The following RNF157 variants were observed in gnomAD, a reference collection of about 807,000 sequenced individuals.
RNF157 encodes E3 ubiquitin ligase RNF157.
A neutral mutation model predicts 88.3 loss-of-function variants in RNF157; 55 were observed. That is an observed-to-expected ratio of 0.62 (90% CI 0.50 to 0.78). The LOEUF (loss-of-function observed/expected upper bound fraction) is 0.78. Among genes scored for constraint, RNF157 ranks in the 30% least tolerant of loss-of-function variants. The pLI is 0.00. For synonymous variants in RNF157, 334 were observed against 341.2 expected, an observed-to-expected ratio of 0.98 and a Z score of 0.23; for missense variants, 788 against 860.8, an observed-to-expected ratio of 0.92 and a Z score of 1.06.
rs2068753184 is a variant in RNF157 at position 76,155,744 on chromosome 17, CAG to C, written c.1526-12_1526-11del. The C allele has an allele frequency of 3.2e-6, 5 of 1,541,240 alleles. No homozygotes were observed. Among genetic ancestry groups the C allele is most frequent in the South Asian group, 1.2e-5 (1 of 82,976 alleles). On this transcript the variant is annotated splice_polypyrimidine_tract_variant and intron_variant, in intron 14 of 18. Coordinates refer to ENST00000269391, the MANE Select transcript of RNF157 (RefSeq NM_052916.3). ...CTGCTGCTGGCAGGGCCTTTGGAGA[CAG>C]GGGATGGGGAAAGGAGCCTGGAGGT...
intron 2 of RNF157, among the ~76,000 whole-genome samples, chr17:76,192,940 C>A (rs77059531): frequency 0.011 from 1,619 of 151,404 alleles, 27 homozygotes; most frequent in African/African-American, 0.038. Flanking sequence ...AAGTGATTCT[C>A]CCACTTCAGC....
intron 12 of RNF157, among the ~76,000 whole-genome samples, chr17:76,158,810 G>A (rs1476039571): frequency 4.6e-5 from 7 of 152,128 alleles, no homozygotes; most frequent in Non-Finnish European, 1.0e-4. Flanking sequence ...GACCTCTTTT[G>A]GGTGTCAGAA....
At chr17:76,219,855 G>A (rs780861654) in intron 1 of RNF157, among the ~76,000 whole-genome samples, 20 of 152,002 alleles carry the variant, frequency 1.3e-4, no homozygotes, top group African/African-American at 2.9e-4. Context: ...ATTTTCTTCC[G>A]AGAATGTGGC....
chr17:76,225,904 C>T (rs1320606078), intron 1 of RNF157: 39 of 1,613,338 alleles, frequency 2.4e-5, no homozygotes, highest in East Asian at 1.3e-4. Context: ...CCTCCTGCTC[C>T]GCCCTCTTCT....
Position 76,239,918 on chromosome 17 carries a change from G to A in RNF157, c.88+235C>T, listed in dbSNP as rs1568085302. On this transcript the variant is annotated intron_variant, in intron 1 of 18. Transcript: ENST00000269391. ...GGCCGCTCCCGTCCTCCCGTGGAGG[G>A]GCTCGGTGCCCTCGGTGACCCTGCT... Among the ~76,000 whole-genome samples the A allele has an allele frequency of 2.6e-5, 4 of 152,042 alleles. No homozygotes were observed. In the South Asian group the frequency reaches 8.3e-4, roughly 32 times the overall value.
At chr17:76,239,723 C>G (rs1049436523) in intron 1 of RNF157, among the ~76,000 whole-genome samples, 1 of 152,176 alleles carries the variant, frequency 6.6e-6, no homozygotes, top group Non-Finnish European at 1.5e-5. Flanking sequence ...GTTTGGATGC[C>G]GAGGTCGCCT....
At chr17:76,167,207 T>C in intron 4 of RNF157, 81 bp from the exon 5 acceptor site, 2 of 965,074 alleles carry the variant, frequency 2.1e-6, no homozygotes, top group South Asian at 1.4e-5. Context: ...TCATGCCTGT[T>C]CTCAATTATC....
chr17:76,164,601 CT>C, intron 8 of RNF157, 146 bp downstream of exon 8: 1 of 421,664 alleles, frequency 2.4e-6, no homozygotes, highest in Non-Finnish European at 4.1e-6. Flanking sequence ...TTTTTCTTTT[CT>C]TCTTTGATTA....
chr17:76,218,384 C>T (rs146439206), intron 1 of RNF157, among the ~76,000 whole-genome samples: 1 of 152,224 alleles, frequency 6.6e-6, no homozygotes, highest in Non-Finnish European at 1.5e-5. Flanking sequence ...CTCACGCCTG[C>T]AATCCCAGTA....
intron 2 of RNF157, among the ~76,000 whole-genome samples, chr17:76,193,165 C>G (rs1012353445): frequency 6.6e-6 from 1 of 152,188 alleles, no homozygotes; most frequent in Non-Finnish European, 1.5e-5. Context: ...CTTAACATCT[C>G]TGAGCATCAA....
chr17:76,154,943 TGTAAATACTA>T lies in RNF157; in HGVS notation c.1764+299_1764+308del, dbSNP rs1184222550. Among the ~76,000 whole-genome samples the T allele has an allele frequency of 2.0e-5, 3 of 152,166 alleles. No homozygotes were observed. The East Asian group carries it at 5.8e-4, about 29-fold the overall frequency. On this transcript the variant is annotated intron_variant, in intron 16 of 18. Coordinates refer to ENST00000269391, the MANE Select transcript of RNF157 (RefSeq NM_052916.3). ...AGAGCACCTGTGACACAGTCCTCCA[TGTAAATACTA>T]GTGGAATGAAGGACAATATATTCTC...
At chr17:76,155,225 G>T in intron 16 of RNF157, 27 bp downstream of exon 16, 1 of 1,605,916 alleles carries the variant, frequency 6.2e-7, no homozygotes, top group Non-Finnish European at 8.5e-7. Flanking sequence ...GTGGGAAGGG[G>T]GCACCACTCC....
At chr17:76,203,601 C>T (rs955424271) in intron 2 of RNF157, among the ~76,000 whole-genome samples, 3 of 151,316 alleles carry the variant, frequency 2.0e-5, no homozygotes, top group African/African-American at 7.3e-5. Context: ...TACGGGAACC[C>T]GCCATCATGC....
chr17:76,196,788 G>C (rs2069484974), intron 2 of RNF157, among the ~76,000 whole-genome samples: 1 of 152,096 alleles, frequency 6.6e-6, no homozygotes, highest in African/African-American at 2.4e-5. Context: ...TCTCACTCCA[G>C]GACAGCCACC....
intron 1 of RNF157, among the ~76,000 whole-genome samples, chr17:76,222,498 G>C (rs1225151164): frequency 6.6e-6 from 1 of 152,060 alleles, no homozygotes; most frequent in Non-Finnish European, 1.5e-5. Flanking sequence ...GGAAGAATTT[G>C]GCACAGTCAG....
intron 1 of RNF157, among the ~76,000 whole-genome samples, chr17:76,213,612 C>CT (rs950803986): frequency 3.1e-4 from 44 of 144,246 alleles, no homozygotes; most frequent in South Asian, 6.7e-4. Context: ...AAAGTGATGT[C>CT]TTTTTTTTTT....
Position 76,152,394 on chromosome 17 carries a change from C to A in RNF157, c.1882G>T (p.Ala628Ser). The change falls in exon 18 of 19, where the codon GCA becomes TCA. Residue 628 changes from alanine to serine, a missense_variant. Ala to Ser is a moderately conservative substitution (Grantham distance 99). Coordinates refer to ENST00000269391, the MANE Select transcript of RNF157 (RefSeq NM_052916.3). Reference protein sequence around the residue: ...NNDFDIASVKALDNKLCSEVC... With the variant: ...NNDFDIASVKSLDNKLCSEVC... ...TCAGAGCACAGCTTATTGTCCAGTGCTTTCACGCTTGCGATGTCAAAGTCA... is the reference window on the plus strand; with the variant it reads ...TCAGAGCACAGCTTATTGTCCAGTGATTTCACGCTTGCGATGTCAAAGTCA... 6.2e-7 allele frequency: 1 copy of A among 1,613,608 alleles called. No individual in the cohort carries two copies. The highest frequency in any genetic ancestry group is 8.5e-7 in the Non-Finnish European group (1 of 1,179,504).
chr17:76,177,266 G>A (rs2069119341), intron 2 of RNF157, among the ~76,000 whole-genome samples: 1 of 152,016 alleles, frequency 6.6e-6, no homozygotes, highest in African/African-American at 2.4e-5. Flanking sequence ...GCTGTGGATC[G>A]GGGGCCTCCA....
chr17:76,148,664 A>C (rs1195769280), intron 18 of RNF157, among the ~76,000 whole-genome samples: 1 of 147,244 alleles, frequency 6.8e-6, no homozygotes, highest in Non-Finnish European at 1.5e-5. Flanking sequence ...TCCGGTTCCC[A>C]GGCTCAATTG....
Sources: allele counts gnomAD v4.1 joint callset (sites outside exome capture counted in the v4.1 genomes callset), GRCh38; gene constraint gnomAD v4.1.1; transcripts MANE v1.5; gene names NCBI Gene and HGNC (gene_info 2026-07-23, HGNC 2026-07-21).